Variants in MAP3K2 observed in about 807,000 individuals in gnomAD.
MAP3K2 encodes the protein mitogen-activated protein kinase kinase kinase 2.
In MAP3K2, 24 loss-of-function variants were observed where a neutral mutation model predicts 80.3. The ratio of observed to expected loss-of-function variants is 0.30; its 90% CI spans 0.22 to 0.42. The LOEUF (loss-of-function observed/expected upper bound fraction) is 0.42. MAP3K2 is among the 10% of genes least tolerant of loss of function. The pLI, the probability that MAP3K2 is intolerant of heterozygous loss-of-function variation, is 1.00. For synonymous variants in MAP3K2, 244 were observed against 253.7 expected, an observed-to-expected ratio of 0.96 and a Z score of 0.36; for missense variants, 608 against 750.1, an observed-to-expected ratio of 0.81 and a Z score of 2.21.
At chr2:127,314,922 T>TG in intron 14 of MAP3K2, 39 bp from the exon 15 acceptor site, 1 of 1,460,528 alleles carries the variant, frequency 6.8e-7, no homozygotes, top group Non-Finnish European at 9.3e-7. Flanking sequence ...CTACTGTATA[T>TG]GGTTTGAAAT....
At chr2:127,373,223 T>A (rs2104891114) in intron 1 of MAP3K2, among the ~76,000 whole-genome samples, 1 of 152,326 alleles carries the variant, frequency 6.6e-6, no homozygotes, top group Admixed American at 6.5e-5. Flanking sequence ...ATTCATTTTA[T>A]GGATGATATT....
In MAP3K2 at chr2:127,326,814, G is replaced by C. The variant is rs756535314; in HGVS notation, c.470C>G (p.Pro157Arg). 1.9e-6 allele frequency: 3 copies of C among 1,541,936 alleles called. No individual in the cohort carries two copies. The highest frequency in any genetic ancestry group is 1.4e-5 in the African/African-American group (1 of 72,286). ...AGGAGAACTTCTATCTCTACTAGTA[G>C]GACCTCAAGGAAGAAAAATAATGTA... is the stretch of plus-strand genomic sequence containing the variant. Reference protein sequence around the residue: ...ERKKRLSIIGPTSRDRSSPPP... With the variant: ...ERKKRLSIIGRTSRDRSSPPP... Residue 157 changes from proline (P) to arginine (R), a missense_variant, in exon 8 of 17, where the codon CCT becomes CGT. Around this residue, in one of 4 missense-constraint regions of MAP3K2, gnomAD observed 467 missense variants for 521.9 expected, o/e 0.89. Coordinates refer to ENST00000682094, the MANE Select transcript of MAP3K2 (RefSeq NM_001371910.2).
In MAP3K2 at chr2:127,314,890, G is replaced by A. The variant is rs1398838967; in HGVS notation, c.1327-7C>T. ...ATTGGTCCTTAATTGAACCCTAGGA[G>A]AAAAGAAAACAAAAATAAAAACTAC... On this transcript the variant is annotated splice_region_variant and splice_polypyrimidine_tract_variant and intron_variant, in intron 14 of 16. Transcript: ENST00000682094. The A allele has an allele frequency of 3.8e-6, 6 of 1,575,086 alleles. No homozygotes were observed. Among genetic ancestry groups the A allele is most frequent in the Non-Finnish European group, 4.3e-6 (5 of 1,159,162 alleles).
chr2:127,332,149 C>T, intron 5 of MAP3K2, among the ~76,000 whole-genome samples: 1 of 152,130 alleles, frequency 6.6e-6, no homozygotes, highest in East Asian at 1.9e-4. Flanking sequence ...CAAGCCTGAT[C>T]TACTGATCTA....
Position 127,339,657 on chromosome 2 carries a change from C to CT in MAP3K2, c.5-608dup, listed in dbSNP as rs1686439661. 6.6e-6 allele frequency among the ~76,000 whole-genome samples: 1 copy of CT among 152,014 alleles called. No homozygotes were observed. The highest frequency in any genetic ancestry group is 2.4e-5 in the African/African-American group (1 of 41,386). ...GCAACAATGTAAGAAAATTCCTTTC[C>CT]TTAGAAAAAGTACCAAGTCCATAAA... On this transcript the variant is annotated intron_variant, in intron 2 of 16. Transcript: ENST00000682094. The surrounding 1 kb of genome is among the most constrained non-coding windows in gnomAD (Gnocchi z 4.2).
chr2:127,311,251 C>A (rs1370353675), intron 15 of MAP3K2, among the ~76,000 whole-genome samples: 5 of 152,168 alleles, frequency 3.3e-5, no homozygotes, highest in Non-Finnish European at 4.4e-5. Context: ...ACATTTCCTA[C>A]CATCCAGTAC....
intron 7 of MAP3K2, among the ~76,000 whole-genome samples, chr2:127,329,013 A>G (rs531971922): frequency 2.8e-4 from 42 of 152,350 alleles, no homozygotes; most frequent in Non-Finnish European, 4.0e-4. Flanking sequence ...ATAAAAATGT[A>G]GATTATCAAT....
At chr2:127,368,657 A>G (rs1234040249) in intron 1 of MAP3K2, among the ~76,000 whole-genome samples, 2 of 152,158 alleles carry the variant, frequency 1.3e-5, no homozygotes, top group African/African-American at 4.8e-5. Context: ...ATAAAAAGGC[A>G]AAGTATTTAC....
At chr2:127,347,792 A>G (rs576397541) in intron 1 of MAP3K2, among the ~76,000 whole-genome samples, 23 of 152,272 alleles carry the variant, frequency 1.5e-4, no homozygotes, top group African/African-American at 5.1e-4. Flanking sequence ...CAATACTGAA[A>G]AAGAAAAATA....
chr2:127,367,658 T>C (rs1183917292), intron 1 of MAP3K2, among the ~76,000 whole-genome samples: 2 of 152,116 alleles, frequency 1.3e-5, no homozygotes, highest in Non-Finnish European at 2.9e-5. Context: ...CCAGGCGTGG[T>C]GGCACATGCC....
intron 1 of MAP3K2, among the ~76,000 whole-genome samples, chr2:127,376,872 C>T (rs1474872653): frequency 6.6e-6 from 1 of 151,940 alleles, no homozygotes; most frequent in Non-Finnish European, 1.5e-5. Flanking sequence ...TCAAGACCAG[C>T]CTGAGCAATA....
In MAP3K2 at chr2:127,387,665, G is replaced by A; in HGVS notation, c.-279C>T. 2.0e-6 allele frequency: 2 copies of A among 985,220 alleles called. No homozygotes were observed. The highest frequency in any genetic ancestry group is 1.7e-5 in the African/African-American group (1 of 57,300). 61.0% of individuals were successfully genotyped at this position (985,220 alleles called of 1,614,324 possible). On this transcript the variant is annotated 5_prime_UTR_variant, in exon 1 of 17. Transcript: ENST00000682094. ...ACATGAAGCCCGGGCCGGGCGGGGT[G>A]GCGGGCGCGTGAATCCTCGCAGCCG...
intron 1 of MAP3K2, among the ~76,000 whole-genome samples, chr2:127,375,065 T>G (rs1316337069): frequency 2.6e-5 from 4 of 152,070 alleles, no homozygotes; most frequent in Non-Finnish European, 5.9e-5. Context: ...AAACCTGCAG[T>G]TTTATGGAAA....
chr2:127,372,211 A>C (rs1379728198), intron 1 of MAP3K2, among the ~76,000 whole-genome samples: 5 of 152,140 alleles, frequency 3.3e-5, no homozygotes, highest in African/African-American at 1.2e-4. Context: ...TTGAGGTGAG[A>C]TACTAGTTAT....
chr2:127,342,388 G>GGGGGGGTGTGTGTGT (rs143219830), intron 2 of MAP3K2, among the ~76,000 whole-genome samples: 2 of 147,744 alleles, frequency 1.4e-5, no homozygotes, highest in African/African-American at 5.0e-5. Flanking sequence ...TCTTCATGAG[G>GGGGGGGTGTGTGTGT]GTGTGTGTGT....
chr2:127,327,532 T>C (rs914279660), intron 7 of MAP3K2, among the ~76,000 whole-genome samples: 1 of 149,034 alleles, frequency 6.7e-6, no homozygotes, highest in Non-Finnish European at 1.5e-5. Flanking sequence ...TTACAAAAGA[T>C]CAATATAGTC....
intron 11 of MAP3K2, among the ~76,000 whole-genome samples, chr2:127,323,333 G>C (rs956379195): frequency 6.6e-6 from 1 of 151,762 alleles, no homozygotes. Context: ...TCCAGCCTGG[G>C]TGACAGAACA....
chr2:127,300,788 A>G lies in MAP3K2; in HGVS notation c.*6791T>C, dbSNP rs986034750. On this transcript the variant is annotated 3_prime_UTR_variant, in exon 17 of 17. Coordinates refer to ENST00000682094, the MANE Select transcript of MAP3K2 (RefSeq NM_001371910.2). ...ATTTGGCCCACTTCATATTGCCCAT[A>G]AGCCTCTCCAGCTCAAATGTTTCAA... The G allele has an allele frequency of 3.9e-5, 6 of 152,198 alleles. No individual in the cohort carries two copies. The highest frequency in any genetic ancestry group is 1.4e-4 in the African/African-American group (6 of 41,448). The allele number at this position is 152,198 out of a possible 1,614,324, so 9.4% of individuals were successfully genotyped here.
chr2:127,352,025 C>G (rs1018559363), intron 1 of MAP3K2, among the ~76,000 whole-genome samples: 1 of 152,016 alleles, frequency 6.6e-6, no homozygotes, highest in Non-Finnish European at 1.5e-5. Context: ...TACAGGTACG[C>G]ACCACCATGC....
Sources: allele counts gnomAD v4.1 joint callset (sites outside exome capture counted in the v4.1 genomes callset), GRCh38; gene constraint gnomAD v4.1.1; regional missense constraint gnomAD v4.1.1; non-coding constraint Gnocchi (gnomAD v3.1); transcripts MANE v1.5; gene names NCBI Gene and HGNC (gene_info 2026-07-23, HGNC 2026-07-21).